The following RALYL variants were observed in gnomAD, a reference collection of about 807,000 sequenced individuals.
RALYL encodes RNA-binding Raly-like protein.
Under a neutral mutation model 35.1 loss-of-function variants are expected in RALYL, and 29 were observed. That is an observed-to-expected ratio of 0.83 (90% CI 0.61 to 1.13). The LOEUF (loss-of-function observed/expected upper bound fraction) is 1.13. Ranked by LOEUF, RALYL falls within the 50% of genes most tolerant of loss-of-function variation. The probability of loss-of-function intolerance (pLI) is 0.00; values close to 1 mark genes in which losing one functional copy is unlikely to be tolerated. For synonymous variants in RALYL, 120 were observed against 127.6 expected, an observed-to-expected ratio of 0.94 and a Z score of 0.40; for missense variants, 359 against 360.4, an observed-to-expected ratio of 1.00 and a Z score of 0.03.
intron 1 of RALYL, among the ~76,000 whole-genome samples, chr8:84,184,720 G>C (rs535840736): frequency 2.0e-5 from 3 of 152,060 alleles, no homozygotes; most frequent in African/African-American, 7.2e-5. Flanking sequence ...TCTGCGCTGC[G>C]GGCCGCGCCG....
chr8:84,623,151 G>T (rs1156447662), intron 2 of RALYL, among the ~76,000 whole-genome samples: 1 of 152,274 alleles, frequency 6.6e-6, no homozygotes, highest in Non-Finnish European at 1.5e-5. Flanking sequence ...TCAAAGATTA[G>T]CTCAGTTCCA....
At position 84,920,917 on chromosome 8, in the gene RALYL, A is replaced by T; in HGVS notation, c.*6A>T. On this transcript the variant is annotated 3_prime_UTR_variant, in exon 9 of 9. Coordinates refer to ENST00000521268, the MANE Select transcript of RALYL (RefSeq NM_173848.7). ...AGTTTCTACAGATAAAGTGATCTGA[A>T]ATAACGCATGATGCCACAAAGCAGA... The T allele has an allele frequency of 6.9e-7, 1 of 1,444,446 alleles. No individual in the cohort carries two copies. 89.5% of individuals were successfully genotyped at this position (1,444,446 alleles called of 1,614,324 possible).
chr8:84,620,044 A>T (rs1018235195), intron 2 of RALYL, among the ~76,000 whole-genome samples: 1 of 151,586 alleles, frequency 6.6e-6, no homozygotes, highest in Non-Finnish European at 1.5e-5. Flanking sequence ...CTTCATTTCA[A>T]CTTTGGTGAA....
intron 2 of RALYL, among the ~76,000 whole-genome samples, chr8:84,564,030 C>A (rs2061623770): frequency 6.6e-6 from 1 of 151,574 alleles, no homozygotes. Context: ...GAAACAATTT[C>A]TTCATATAAA....
chr8:84,686,389 C>T (rs1239718054), intron 2 of RALYL, among the ~76,000 whole-genome samples: 1 of 144,482 alleles, frequency 6.9e-6, no homozygotes, highest in East Asian at 2.0e-4. Context: ...TATATTAATA[C>T]ATCATATTGT....
chr8:84,795,124 A>G (rs1013240612), intron 3 of RALYL, among the ~76,000 whole-genome samples: 2 of 152,214 alleles, frequency 1.3e-5, no homozygotes, highest in Non-Finnish European at 1.5e-5. Flanking sequence ...TATCACAGGA[A>G]ATAGAGGGGA....
chr8:84,284,969 T>G (rs1032175849), intron 1 of RALYL, among the ~76,000 whole-genome samples: 1 of 152,176 alleles, frequency 6.6e-6, no homozygotes, highest in African/African-American at 2.4e-5. Flanking sequence ...AATATTCAAG[T>G]GAATTTCTTT....
chr8:84,387,802 TC>T (rs1206501080), intron 1 of RALYL, among the ~76,000 whole-genome samples: 2 of 141,600 alleles, frequency 1.4e-5, no homozygotes, highest in African/African-American at 2.8e-5. Flanking sequence ...TTTCTTTCTT[TC>T]TTTTTTTTTT....
intron 7 of RALYL, among the ~76,000 whole-genome samples, chr8:84,881,247 T>C (rs1842131434): frequency 6.6e-6 from 1 of 152,002 alleles, no homozygotes; most frequent in Non-Finnish European, 1.5e-5. Flanking sequence ...CTAAATGGAA[T>C]TTATTGGAAC....
At position 84,428,102 on chromosome 8, in the gene RALYL, T is replaced by TCACA. The variant is rs1364681176; in HGVS notation, c.-23-101196_-23-101195insACAC. ...GTCTCTCTCTCTCTCTCTCTCTCTCTCTCTCACACACACACACACACACAC... is the reference window on the plus strand; with the variant it reads ...GTCTCTCTCTCTCTCTCTCTCTCTCTCACACTCTCACACACACACACACACACAC... On this transcript the variant is annotated intron_variant, in intron 1 of 8. Coordinates refer to ENST00000521268, the MANE Select transcript of RALYL (RefSeq NM_173848.7). Among the ~76,000 whole-genome samples, 683 of 131,136 alleles carry TCACA rather than the reference T, an allele frequency of 5.2e-3. 5 individuals are homozygous for TCACA. Among genetic ancestry groups the TCACA allele is most frequent in the African/African-American group, 0.018 (554 of 31,294 alleles). 86.0% of individuals were successfully genotyped at this position (131,136 alleles called of 152,430 possible).
At chr8:84,814,647 A>AAGTT (rs1826749384) in intron 4 of RALYL, among the ~76,000 whole-genome samples, 1 of 152,316 alleles carries the variant, frequency 6.6e-6, no homozygotes, top group East Asian at 1.9e-4. Context: ...CTGTCAAAGA[A>AAGTT]AGTTACAAGA....
In RALYL at chr8:84,264,142, G is replaced by T. The variant is rs1265668476; in HGVS notation, c.-24+79718G>T. 2.0e-5 allele frequency among the ~76,000 whole-genome samples: 3 copies of T among 152,144 alleles called. No individual in the cohort carries two copies. The East Asian group carries it at 5.8e-4, about 29-fold the overall frequency. On this transcript the variant is annotated intron_variant, in intron 1 of 8. Transcript: ENST00000521268. ...TGGGTATGTATCCAATAATGGAATT[G>T]CTGGGTCAGATAGTATTTCTGGTGC... is the stretch of plus-strand genomic sequence containing the variant.
In RALYL at chr8:84,282,770, GTGTGTGTGTA is replaced by G. The variant is rs1191408358; in HGVS notation, c.-24+98348_-24+98357del. 1.5e-4 allele frequency among the ~76,000 whole-genome samples: 18 copies of G among 121,952 alleles called. No individual in the cohort carries two copies. In the South Asian group the frequency reaches 3.5e-3, roughly 24 times the overall value. 80.0% of individuals were successfully genotyped at this position (121,952 alleles called of 152,430 possible). On this transcript the variant is annotated intron_variant, in intron 1 of 8. Transcript: ENST00000521268. ...TGCGTGTGTGTGTGTGTGTGTGTGTGTGTGTGTGTATACATATATATAATTTAGATCTATA... is the reference window on the plus strand; with the variant it reads ...TGCGTGTGTGTGTGTGTGTGTGTGTGTACATATATATAATTTAGATCTATA...
chr8:84,905,232 A>G (rs1587120380), intron 8 of RALYL, among the ~76,000 whole-genome samples: 1 of 152,166 alleles, frequency 6.6e-6, no homozygotes, highest in African/African-American at 2.4e-5. Flanking sequence ...AGGTTCATCC[A>G]TGTTGTTACA....
chr8:84,220,758 C>A (rs1483004907), intron 1 of RALYL, among the ~76,000 whole-genome samples: 1 of 151,856 alleles, frequency 6.6e-6, no homozygotes, highest in Non-Finnish European at 1.5e-5. Flanking sequence ...TTGTAAACCA[C>A]AGACTGGAAA....
intron 1 of RALYL, among the ~76,000 whole-genome samples, chr8:84,341,989 G>T (rs551778546): frequency 3.7e-4 from 56 of 151,672 alleles, no homozygotes; most frequent in Non-Finnish European, 6.5e-4. Context: ...ACAGAGGATA[G>T]CCCATAGTAA....
chr8:84,651,311 A>G (rs1828771205), intron 2 of RALYL, among the ~76,000 whole-genome samples: 1 of 151,880 alleles, frequency 6.6e-6, no homozygotes, highest in South Asian at 2.1e-4. Context: ...TGCCATAACT[A>G]TGAATAATAC....
intron 1 of RALYL, among the ~76,000 whole-genome samples, chr8:84,449,090 T>A (rs916863883): frequency 2.6e-5 from 4 of 151,680 alleles, no homozygotes; most frequent in Non-Finnish European, 5.9e-5. Context: ...TTTTTTTTTT[T>A]TTTTGCTGGT....
At chr8:84,656,100 T>G (rs914244944) in intron 2 of RALYL, among the ~76,000 whole-genome samples, 2 of 152,276 alleles carry the variant, frequency 1.3e-5, no homozygotes, top group South Asian at 2.1e-4. Context: ...AGTCAGTTAT[T>G]TTTTGTTTGT....
Sources: allele counts gnomAD v4.1 joint callset (sites outside exome capture counted in the v4.1 genomes callset), GRCh38; gene constraint gnomAD v4.1.1; transcripts MANE v1.5; gene names NCBI Gene and HGNC (gene_info 2026-07-23, HGNC 2026-07-21).